MAPRE2: variants seen among roughly 807,000 people sequenced by gnomAD.
The protein encoded by MAPRE2 is microtubule-associated protein RP/EB family member 2.
In MAPRE2, 13 loss-of-function variants were observed where a neutral mutation model predicts 43.2. The observed-to-expected ratio is 0.30, with a 90% CI of 0.20 to 0.48. MAPRE2 has a LOEUF of 0.48. MAPRE2 is among the 20% of genes least tolerant of loss of function. MAPRE2 has a pLI of 0.99. For synonymous variants in MAPRE2, 135 were observed against 148.8 expected, an observed-to-expected ratio of 0.91 and a Z score of 0.68; for missense variants, 161 against 400.2, an observed-to-expected ratio of 0.40 and a Z score of 5.10.
At chr18:35,120,281 G>A (rs2144222776) in intron 4 of MAPRE2, among the ~76,000 whole-genome samples, 1 of 152,274 alleles carries the variant, frequency 6.6e-6, no homozygotes, top group East Asian at 1.9e-4. Context: ...GCTCAAGGAG[G>A]ACTGCCCACT....
chr18:35,076,617 A>G (rs886398272), intron 2 of MAPRE2, among the ~76,000 whole-genome samples: 7 of 152,222 alleles, frequency 4.6e-5, no homozygotes, highest in African/African-American at 1.4e-4. Flanking sequence ...GACTCTAGTC[A>G]GTAAAATGCA....
At chr18:35,007,816 T>C (rs1038473859) in intron 2 of MAPRE2, among the ~76,000 whole-genome samples, 2 of 98,404 alleles carry the variant, frequency 2.0e-5, no homozygotes, top group Non-Finnish European at 4.5e-5. Flanking sequence ...GGCTTACTTA[T>C]AAGTGATTTT....
In MAPRE2 at chr18:35,101,483, A is replaced by G. The variant is rs186048583; in HGVS notation, c.397-463A>G. 1.1e-3 allele frequency among the ~76,000 whole-genome samples: 162 copies of G among 152,292 alleles called. 1 individual carries two copies. Among genetic ancestry groups the G allele is most frequent in the Non-Finnish European group, 2.1e-3 (140 of 68,026 alleles). ...TATAATCACCCTGTTGTGCTATCAA[A>G]TAGTAGGTTTTATTCATTCTTTCTA... On this transcript the variant is annotated intron_variant, in intron 3 of 6. Coordinates refer to ENST00000300249, the MANE Select transcript of MAPRE2 (RefSeq NM_014268.4).
At position 35,115,056 on chromosome 18, in the gene MAPRE2, A is replaced by G. The variant is rs543230358; in HGVS notation, c.611-11892A>G. On this transcript the variant is annotated intron_variant, in intron 4 of 6. Coordinates refer to ENST00000300249, the MANE Select transcript of MAPRE2 (RefSeq NM_014268.4). ...CTTAGTATATTGGGCAGGAATCGAAAACAGCTTTGACTTGTAGAATTTTCT... is the reference window on the plus strand; with the variant it reads ...CTTAGTATATTGGGCAGGAATCGAAGACAGCTTTGACTTGTAGAATTTTCT... 3.5e-4 allele frequency among the ~76,000 whole-genome samples: 53 copies of G among 152,294 alleles called. 1 individual carries two copies. Among genetic ancestry groups the G allele is most frequent in the African/African-American group, 1.2e-3 (51 of 41,560 alleles).
intron 4 of MAPRE2, among the ~76,000 whole-genome samples, chr18:35,105,193 T>A (rs1908849003): frequency 6.6e-6 from 1 of 152,140 alleles, no homozygotes; most frequent in South Asian, 2.1e-4. Context: ...GAGCTTAACC[T>A]CTTGGGTGAC....
intron 4 of MAPRE2, among the ~76,000 whole-genome samples, chr18:35,114,252 A>C (rs138388697): frequency 1.3e-5 from 2 of 152,352 alleles, no homozygotes; most frequent in African/African-American, 4.8e-5. Flanking sequence ...TTTCACAACC[A>C]AATTCAAATT....
At chr18:35,059,461 A>T (rs979923448) in intron 1 of MAPRE2, among the ~76,000 whole-genome samples, 1 of 152,220 alleles carries the variant, frequency 6.6e-6, no homozygotes, top group African/African-American at 2.4e-5. Flanking sequence ...GTTTGCATTC[A>T]TTCAGCATTT....
In MAPRE2 at chr18:35,142,652, A is replaced by C. The variant is rs1278284753; in HGVS notation, c.*2283A>C. 1 of 152,170 alleles carries C rather than the reference A, an allele frequency of 6.6e-6. No homozygotes were observed. The highest frequency in any genetic ancestry group is 2.4e-5 in the African/African-American group (1 of 41,428). 9.4% of individuals were successfully genotyped at this position (152,170 alleles called of 1,614,324 possible). A position where few individuals can be genotyped will look rare whatever the true frequency, so the allele number is the denominator to read the frequency against. On this transcript the variant is annotated 3_prime_UTR_variant, in exon 7 of 7. Transcript: ENST00000300249. ...TCGTTTATTTAGAGAAGAGCTATAC[A>C]TTCTTCTTTCTGGTCCCATCTTAAA...
intron 2 of MAPRE2, among the ~76,000 whole-genome samples, chr18:35,073,082 C>T (rs1291515609): frequency 5.3e-5 from 8 of 152,052 alleles, no homozygotes; most frequent in Non-Finnish European, 1.0e-4. Flanking sequence ...CCTTCTAAAT[C>T]GGTACCTCTG....
At chr18:35,113,114 G>C (rs1413435516) in intron 4 of MAPRE2, among the ~76,000 whole-genome samples, 2 of 152,162 alleles carry the variant, frequency 1.3e-5, no homozygotes. Context: ...ATAGATCTGG[G>C]GGGGAACACA....
At chr18:35,010,449 C>A (rs1267202251) in intron 2 of MAPRE2, among the ~76,000 whole-genome samples, 2 of 152,166 alleles carry the variant, frequency 1.3e-5, no homozygotes, top group African/African-American at 4.8e-5. Flanking sequence ...TGTAATACAT[C>A]TTGTTTGTTG....
rs796434537 is a variant in MAPRE2 at position 34,980,031 on chromosome 18, C to CTTTTTTTTTTTTTTTTTTTTTTTTTT, written c.-70+2975_-70+2976insTTTTTTTTTTTTTTTTTTTTTTTTTT. ...CTTTTCTTTTTCTTTTTCTTTTTTT[C>CTTTTTTTTTTTTTTTTTTTTTTTTTT]TTTTTTTTTTTTTTTTTTTTTTTGA... On this transcript the variant is annotated intron_variant, in intron 1 of 7. Transcript: ENST00000413393. Among the ~76,000 whole-genome samples, 52 of 46,106 alleles carry CTTTTTTTTTTTTTTTTTTTTTTTTTT rather than the reference C, an allele frequency of 1.1e-3. 1 individual carries two copies. The highest frequency in any genetic ancestry group is 1.6e-3 in the Non-Finnish European group (34 of 21,640). The allele number at this position is 46,106 out of a possible 152,430, so 30.2% of individuals were successfully genotyped here.
At chr18:35,050,708 C>G (rs1031021180) in intron 1 of MAPRE2, among the ~76,000 whole-genome samples, 2 of 152,164 alleles carry the variant, frequency 1.3e-5, no homozygotes, top group Admixed American at 6.5e-5. Flanking sequence ...TTTGGCCACT[C>G]TGAGTGCAGT....
At chr18:35,104,723 G>A (rs1377630419) in intron 4 of MAPRE2, among the ~76,000 whole-genome samples, 13 of 152,122 alleles carry the variant, frequency 8.5e-5, no homozygotes, top group Non-Finnish European at 1.9e-4. Flanking sequence ...GTTTAGATAG[G>A]CCTTCAACTT....
At chr18:35,085,436 A>G (rs537968691) in intron 2 of MAPRE2, among the ~76,000 whole-genome samples, 1 of 152,346 alleles carries the variant, frequency 6.6e-6, no homozygotes, top group East Asian at 1.9e-4. Context: ...ATATTCAACT[A>G]CTGGATAGAA....
At chr18:35,014,174 C>T (rs1306497600) in intron 2 of MAPRE2, among the ~76,000 whole-genome samples, 1 of 151,986 alleles carries the variant, frequency 6.6e-6, no homozygotes, top group Non-Finnish European at 1.5e-5. Flanking sequence ...GCTTCAATAC[C>T]TTCTATAAAG....
chr18:35,041,121 G>T (rs920683573), upstream of MAPRE2, among the ~76,000 whole-genome samples: 1 of 152,234 alleles, frequency 6.6e-6, no homozygotes, highest in Admixed American at 6.5e-5. Flanking sequence ...TGGCAGCACG[G>T]GTCGGAAAGG....
At chr18:35,078,958 A>G (rs1393833422) in intron 2 of MAPRE2, among the ~76,000 whole-genome samples, 1 of 151,106 alleles carries the variant, frequency 6.6e-6, no homozygotes, top group East Asian at 1.9e-4. Context: ...GTTCTCTCTG[A>G]TTGTTCTCCT....
At chr18:35,038,803 C>T (rs374445764), upstream of MAPRE2, among the ~76,000 whole-genome samples, 4 of 152,316 alleles carry the variant, frequency 2.6e-5, no homozygotes, top group African/African-American at 9.6e-5. Context: ...ATTATTACCC[C>T]TGTTACCCCT....
Sources: gnomAD v4.1 joint callset for allele counts (sites outside exome capture counted in the v4.1 genomes callset) on GRCh38, gnomAD v4.1.1 for gene constraint, MANE v1.5 for transcripts, NCBI Gene and HGNC (gene_info 2026-07-23, HGNC 2026-07-21) for gene names.